Variants in SLC25A26 observed in about 807,000 individuals in gnomAD.
The protein encoded by SLC25A26 is solute carrier family 25 member 26.
SLC25A26 carries 36 observed loss-of-function variants against 37.8 expected under a neutral mutation model. The ratio of observed to expected loss-of-function variants is 0.95; its 90% CI spans 0.73 to 1.26. The LOEUF (loss-of-function observed/expected upper bound fraction) is 1.26, where lower values mean the gene tolerates loss of function less well. Ranked by LOEUF, SLC25A26 falls within the 50% of genes most tolerant of loss-of-function variation. The pLI is 0.00. For synonymous variants in SLC25A26, 129 were observed against 122.5 expected, an observed-to-expected ratio of 1.05 and a Z score of -0.35; for missense variants, 390 against 331.1, an observed-to-expected ratio of 1.18 and a Z score of -1.38.
Position 66,377,670 on chromosome 3 carries a change from A to C in SLC25A26, c.708-20A>C. On this transcript the variant is annotated intron_variant, in intron 9 of 9. Transcript: ENST00000354883. ...TTTTTAAAATACGCACAACATTAAA[A>C]ATCCTGTTTTTTCCCCTAGATTATT... is the stretch of plus-strand genomic sequence containing the variant. 6.3e-7 allele frequency: 1 copy of C among 1,590,834 alleles called. No individual in the cohort carries two copies. Among genetic ancestry groups the C allele is most frequent in the Non-Finnish European group, 8.6e-7 (1 of 1,159,120 alleles).
At chr3:66,143,412 G>A (rs28622585) in intron 1 of SLC25A26, among the ~76,000 whole-genome samples, 51,278 of 152,026 alleles carry the variant, frequency 0.34, 8,875 homozygotes, top group African/African-American at 0.4. Context: ...TACTTACTGA[G>A]CAACTGCAGT....
At chr3:66,220,553 A>T (rs898479805), upstream of SLC25A26, among the ~76,000 whole-genome samples, 2 of 152,214 alleles carry the variant, frequency 1.3e-5, no homozygotes, top group African/African-American at 4.8e-5. Context: ...GTATTTTTCT[A>T]TATCTTTATT....
At chr3:66,278,511 T>G (rs1274788231) in intron 5 of SLC25A26, among the ~76,000 whole-genome samples, 1 of 152,148 alleles carries the variant, frequency 6.6e-6, no homozygotes, top group Non-Finnish European at 1.5e-5. Flanking sequence ...GATAATATAT[T>G]ATTTAAATGT....
rs1678092 is a variant in SLC25A26, at chr3:66,243,427, T to C, written c.300+115T>C. The C allele has an allele frequency of 0.4, 223,962 of 559,826 alleles. 48,754 individuals carry two copies. The highest frequency in any genetic ancestry group is 0.67 in the African/African-American group (35,670 of 52,906). 34.7% of individuals were successfully genotyped at this position (559,826 alleles called of 1,614,324 possible). On this transcript the variant is annotated intron_variant, in intron 3 of 9. Transcript: ENST00000354883. ...ATTTTTAAATTATGAAAGTCATAAA[T>C]GGCAATAAATGTAAATGGATTAAAT...
At chr3:66,153,829 G>A (rs1022894354) in intron 1 of SLC25A26, among the ~76,000 whole-genome samples, 1 of 152,194 alleles carries the variant, frequency 6.6e-6, no homozygotes, top group African/African-American at 2.4e-5. Flanking sequence ...GTCTTCTTCC[G>A]AGGAAAGATT....
chr3:66,285,061 C>T (rs1275185776), intron 5 of SLC25A26, among the ~76,000 whole-genome samples: 1 of 152,022 alleles, frequency 6.6e-6, no homozygotes, highest in African/African-American at 2.4e-5. Flanking sequence ...TGAGGAAGAG[C>T]CTAGTAGGGG....
At chr3:66,304,608 T>C in intron 5 of SLC25A26, 1 of 346,790 alleles carries the variant, frequency 2.9e-6, no homozygotes, top group South Asian at 2.3e-5. Context: ...TCACTGGTGC[T>C]TTCAGGAAAC....
At chr3:66,187,987 A>G (rs1463462137) in intron 1 of SLC25A26, among the ~76,000 whole-genome samples, 1 of 152,128 alleles carries the variant, frequency 6.6e-6, no homozygotes, top group South Asian at 2.1e-4. Context: ...CATGCTGACT[A>G]TGACCCTCCT....
chr3:66,362,913 CTG>C lies in SLC25A26; in HGVS notation c.555_556del (p.Cys185TrpfsTer33), dbSNP rs773533810. ...TGGTGGATTCTTGGCAGTCAGCAGT[CTG>C]TGGAGCTTTTGCAGGTGCAAAGGAT... is the stretch of plus-strand genomic sequence containing the variant. ...HVVDSWQSAV[C>X]GAFAGGFAAA... On this transcript the variant is annotated frameshift_variant, in exon 7 of 10. Coordinates refer to ENST00000354883, the MANE Select transcript of SLC25A26 (RefSeq NM_001379210.1). LOFTEE classifies it high-confidence loss of function. 5.0e-6 allele frequency: 8 copies of C among 1,607,594 alleles called. No individual in the cohort carries two copies. The highest frequency in any genetic ancestry group is 6.8e-6 in the Non-Finnish European group (8 of 1,176,712).
chr3:66,347,073 C>A (rs577703153), intron 6 of SLC25A26, among the ~76,000 whole-genome samples: 1 of 152,072 alleles, frequency 6.6e-6, no homozygotes, highest in Non-Finnish European at 1.5e-5. Flanking sequence ...GCAAATATTT[C>A]ATGACGAAAA....
chr3:66,292,939 G>C (rs2074765670), intron 5 of SLC25A26, among the ~76,000 whole-genome samples: 1 of 151,808 alleles, frequency 6.6e-6, no homozygotes, highest in Admixed American at 6.6e-5. Flanking sequence ...ACGTAGGTTT[G>C]GTCTTTTCAC....
intron 1 of SLC25A26, among the ~76,000 whole-genome samples, chr3:66,224,056 A>T (rs2071624800): frequency 1.3e-5 from 2 of 152,226 alleles, no homozygotes; most frequent in Admixed American, 6.5e-5. Flanking sequence ...AAGAGAATGT[A>T]CTATAATTAC....
At chr3:66,296,920 C>T (rs933796216) in intron 5 of SLC25A26, among the ~76,000 whole-genome samples, 19 of 152,224 alleles carry the variant, frequency 1.2e-4, no homozygotes, top group South Asian at 4.1e-4. Context: ...GCTTGACTGG[C>T]GTAGGCCCTG....
chr3:66,342,134 C>G (rs945953219), intron 5 of SLC25A26, among the ~76,000 whole-genome samples: 5 of 152,126 alleles, frequency 3.3e-5, no homozygotes, highest in Non-Finnish European at 4.4e-5. Flanking sequence ...CTGTGAATCA[C>G]CTGTAGATCT....
rs189284273 is a variant in SLC25A26, at chr3:66,303,376, C to T, written c.453+39997C>T. Among the ~76,000 whole-genome samples, 31 of 152,312 alleles carry T rather than the reference C, an allele frequency of 2.0e-4. No homozygotes were observed. The East Asian group carries it at 5.8e-3, about 28-fold the overall frequency. The stretch of plus-strand genomic sequence containing the variant: ...GTGTTGGAGGAACTGGGCTGTGGCT[C>T]GTCCTCTGCTGCTCGTTAGCCCTGT... On this transcript the variant is annotated intron_variant, in intron 5 of 9. Transcript: ENST00000354883.
chr3:66,182,728 G>T (rs1179817220), intron 1 of SLC25A26, among the ~76,000 whole-genome samples: 5 of 57,736 alleles, frequency 8.7e-5, no homozygotes, highest in South Asian at 6.7e-4. Flanking sequence ...GGGGGGGGGG[G>T]TGGGGTATCA....
chr3:66,316,119 GGTTACTATT>G (rs1164444385), intron 5 of SLC25A26, among the ~76,000 whole-genome samples: 3 of 152,138 alleles, frequency 2.0e-5, no homozygotes, highest in African/African-American at 2.4e-5. Context: ...TTACATTTAA[GGTTACTATT>G]GTTATTGTGT....
chr3:66,134,131 C>T (rs1448628375), intron 1 of SLC25A26: 1 of 152,166 alleles, frequency 6.6e-6, no homozygotes, highest in Non-Finnish European at 1.5e-5. Context: ...AGTGGAAAAA[C>T]AAAACAGGGA....
intron 6 of SLC25A26, among the ~76,000 whole-genome samples, chr3:66,358,674 T>C (rs902956655): frequency 3.5e-4 from 53 of 152,216 alleles, no homozygotes; most frequent in Non-Finnish European, 1.8e-4. Flanking sequence ...ATTTTTTTCT[T>C]AGAGATGGGA....
Sources: gnomAD v4.1 joint callset for allele counts (sites outside exome capture counted in the v4.1 genomes callset) on GRCh38, gnomAD v4.1.1 for gene constraint, MANE v1.5 for transcripts, NCBI Gene and HGNC (gene_info 2026-07-23, HGNC 2026-07-21) for gene names.